CCDC138: variants seen among roughly 807,000 people sequenced by gnomAD.
CCDC138 encodes the protein coiled-coil domain containing 138, also known as coiled-coil domain-containing protein 138.
In CCDC138, 66 loss-of-function variants were observed where a neutral mutation model predicts 82.3. That is an observed-to-expected ratio of 0.80 (90% CI 0.66 to 0.98). CCDC138 has a LOEUF of 0.98. Among genes scored for constraint, CCDC138 ranks in the 50% least tolerant of loss-of-function variants. The probability of loss-of-function intolerance (pLI) is 0.00; values close to 1 mark genes in which losing one functional copy is unlikely to be tolerated. For missense variants in CCDC138, 816 were observed against 758.9 expected (o/e 1.08, Z -0.88); for synonymous variants, 297 against 265.4 (o/e 1.12, Z -1.16).
At chr2:108,800,163 G>T (rs1681657827) in intron 6 of CCDC138, among the ~76,000 whole-genome samples, 1 of 152,096 alleles carries the variant, frequency 6.6e-6, no homozygotes. Context: ...GTATATTCAA[G>T]ACCTTCTGGT....
intron 1 of CCDC138, among the ~76,000 whole-genome samples, chr2:108,881,929 A>T (rs1223319400): frequency 1.3e-5 from 2 of 152,164 alleles, no homozygotes; most frequent in Admixed American, 1.3e-4. Flanking sequence ...GGATTGCTTG[A>T]GGCCAGGAGT....
chr2:108,880,191 TAAAAA>T (rs10714990), downstream of CCDC138, among the ~76,000 whole-genome samples: 1 of 148,032 alleles, frequency 6.8e-6, no homozygotes, highest in Non-Finnish European at 1.5e-5. Flanking sequence ...CAGGGTAACT[TAAAAA>T]AAAAAAACAA....
intron 13 of CCDC138, among the ~76,000 whole-genome samples, chr2:108,871,461 A>AG (rs915452370): frequency 3.9e-5 from 6 of 151,942 alleles, no homozygotes; most frequent in Non-Finnish European, 7.4e-5. Context: ...GCAAGGCAGG[A>AG]GAATCCCTTG....
In CCDC138 at chr2:108,816,007, C is replaced by G; in HGVS notation, c.1108C>G (p.Leu370Val). The change falls in exon 10 of 15, where the codon CTT (leucine) becomes GTT (valine). Residue 370 changes from leucine (L) to valine (V), a missense_variant. Transcript: ENST00000295124. ...CATGGACTGGATTTCGGATCATCATCTTAGCAAAGTGAAACATGAAGAATC... is the reference window on the plus strand; with the variant it reads ...CATGGACTGGATTTCGGATCATCATGTTAGCAAAGTGAAACATGAAGAATC... ...VFMDWISDHHLSKVKHEESGM... is the reference protein window; with the variant it reads ...VFMDWISDHHVSKVKHEESGM... 1 of 1,613,610 alleles carries G rather than the reference C, an allele frequency of 6.2e-7. No individual in the cohort carries two copies. The highest frequency in any genetic ancestry group is 8.5e-7 in the Non-Finnish European group (1 of 1,179,752).
intron 1 of CCDC138, among the ~76,000 whole-genome samples, chr2:108,787,204 G>A (rs530531444): frequency 7.2e-5 from 11 of 152,324 alleles, no homozygotes; most frequent in African/African-American, 2.6e-4. Flanking sequence ...TGTGAGTGGA[G>A]TTGTGAAAAC....
intron 13 of CCDC138, among the ~76,000 whole-genome samples, chr2:108,864,523 C>A (rs963237107): frequency 2.6e-5 from 4 of 151,830 alleles, no homozygotes; most frequent in African/African-American, 7.3e-5. Flanking sequence ...ATTAGCCGGG[C>A]ACGGTGGCTC....
intron 13 of CCDC138, among the ~76,000 whole-genome samples, chr2:108,868,759 A>G (rs1694800902): frequency 6.6e-6 from 1 of 152,182 alleles, no homozygotes; most frequent in Non-Finnish European, 1.5e-5. Context: ...ACCATGACAC[A>G]TAAAAATAAA....
chr2:108,795,392 G>A (rs1680707784), intron 5 of CCDC138, among the ~76,000 whole-genome samples: 1 of 152,056 alleles, frequency 6.6e-6, no homozygotes, highest in Non-Finnish European at 1.5e-5. Flanking sequence ...CTGACCTCAG[G>A]TGATCTGCCC....
chr2:108,853,988 ATAATAAATTTATATTATATAT>A (rs1692114847), intron 12 of CCDC138, among the ~76,000 whole-genome samples: 1 of 10,616 alleles, frequency 9.4e-5, no homozygotes, highest in Non-Finnish European at 3.4e-4. Flanking sequence ...TATATAATAT[ATAATAAATTTATATTATATAT>A]AATATATAAT....
chr2:108,875,330 AAAAAAAG>A (rs1204515684), intron 14 of CCDC138, among the ~76,000 whole-genome samples: 25 of 136,286 alleles, frequency 1.8e-4, no homozygotes, highest in South Asian at 4.3e-4. Context: ...AAAAAAAAAA[AAAAAAAG>A]AAACAAATTC....
At chr2:108,864,820 G>A (rs915495253) in intron 13 of CCDC138, among the ~76,000 whole-genome samples, 2 of 151,106 alleles carry the variant, frequency 1.3e-5, no homozygotes, top group African/African-American at 4.9e-5. Flanking sequence ...AATTAGCTTG[G>A]CATAATGGTG....
chr2:108,881,629 A>G (rs550377783), intron 1 of CCDC138, among the ~76,000 whole-genome samples: 12 of 152,136 alleles, frequency 7.9e-5, no homozygotes, highest in Non-Finnish European at 1.5e-4. Context: ...GAGATGTGAG[A>G]CTCTTCCTTT....
At chr2:108,880,216 A>C (rs571864807), downstream of CCDC138, among the ~76,000 whole-genome samples, 1 of 3,968 alleles carries the variant, frequency 2.5e-4, no homozygotes, top group Admixed American at 4.3e-3. Context: ...ACAACAAACA[A>C]AAACAAACAA....
At chr2:108,816,552 T>TA (rs36045886) in intron 10 of CCDC138, among the ~76,000 whole-genome samples, 123,831 of 152,114 alleles carry the variant, frequency 0.81, 50,548 homozygotes, top group East Asian at 0.95. Flanking sequence ...ATCACATGGC[T>TA]GGGGGCTGAG....
chr2:108,864,991 A>C (rs1478423220), intron 13 of CCDC138, among the ~76,000 whole-genome samples: 3 of 151,982 alleles, frequency 2.0e-5, no homozygotes, highest in African/African-American at 4.8e-5. Context: ...ACATTCACAT[A>C]TCTCATAATT....
rs1334626673 is a variant in CCDC138, at chr2:108,786,998, G to A, written c.93+83G>A. 4.4e-6 allele frequency: 4 copies of A among 912,328 alleles called. No individual in the cohort carries two copies. The East Asian group carries it at 1.4e-4, about 32-fold the overall frequency. 56.5% of individuals were successfully genotyped at this position (912,328 alleles called of 1,614,324 possible). On this transcript the variant is annotated intron_variant, in intron 1 of 14. Coordinates refer to ENST00000295124, the MANE Select transcript of CCDC138 (RefSeq NM_144978.3). ...CCGTGCCCCGCGCAGCCGGCCTGGG[G>A]GCGCGCAGCGGCTCTGGTCCCGGCC...
At chr2:108,852,168 CAAATGAGGA>C (rs1691620508) in intron 12 of CCDC138, among the ~76,000 whole-genome samples, 1 of 152,072 alleles carries the variant, frequency 6.6e-6, no homozygotes, top group Non-Finnish European at 1.5e-5. Flanking sequence ...TGTAATTTTA[CAAATGAGGA>C]AATTGAGGCA....
downstream of CCDC138, chr2:108,878,424 C>A: frequency 4.6e-6 from 1 of 215,852 alleles, no homozygotes; most frequent in South Asian, 7.9e-5. Flanking sequence ...GGTACAGTTC[C>A]AAGAGGAGAC....
intron 5 of CCDC138, among the ~76,000 whole-genome samples, chr2:108,797,712 T>C (rs574282856): frequency 1.2e-4 from 19 of 152,214 alleles, no homozygotes; most frequent in African/African-American, 4.6e-4. Flanking sequence ...GAGAAAGAGA[T>C]TGATGTTTTC....
Sources: gnomAD v4.1 joint callset for allele counts (sites outside exome capture counted in the v4.1 genomes callset) on GRCh38, gnomAD v4.1.1 for gene constraint, MANE v1.5 for transcripts, NCBI Gene and HGNC (gene_info 2026-07-23, HGNC 2026-07-21) for gene names.